The following LPCAT1 variants were observed in gnomAD, a reference collection of about 807,000 sequenced individuals.
The protein encoded by LPCAT1 is 1-acylglycerol-3-phosphate O-acyltransferase.
Under a neutral mutation model 60.9 loss-of-function variants are expected in LPCAT1, and 23 were observed. The observed-to-expected ratio is 0.38, with a 90% CI of 0.27 to 0.53. LPCAT1 has a LOEUF of 0.53. Among genes scored for constraint, LPCAT1 ranks in the 20% least tolerant of loss-of-function variants. LPCAT1 has a pLI of 0.82. For missense variants in LPCAT1, 622 were observed against 723.6 expected (o/e 0.86, Z 1.61); for synonymous variants, 340 against 301.1 (o/e 1.13, Z -1.34).
chr5:1,523,913 G>C lies in LPCAT1; in HGVS notation c.-69C>G. 1.0e-6 allele frequency: 1 copy of C among 991,268 alleles called. No homozygotes were observed. Among genetic ancestry groups the C allele is most frequent in the Non-Finnish European group, 1.2e-6 (1 of 831,702 alleles). 61.4% of individuals were successfully genotyped at this position (991,268 alleles called of 1,614,324 possible). ...GCCGAGCGGGGCCGGGGCTAGCTGGGCGCGGGTCTCGGGGCGCGGGCCGAG... is the reference window on the plus strand; with the variant it reads ...GCCGAGCGGGGCCGGGGCTAGCTGGCCGCGGGTCTCGGGGCGCGGGCCGAG... On this transcript the variant is annotated 5_prime_UTR_variant, in exon 1 of 14. Transcript: ENST00000283415. The surrounding 1 kb of genome is among the most constrained non-coding windows in gnomAD (Gnocchi z 7.1).
intron 1 of LPCAT1, among the ~76,000 whole-genome samples, chr5:1,518,660 C>T (rs909786960): frequency 6.6e-6 from 1 of 152,320 alleles, no homozygotes; most frequent in African/African-American, 2.4e-5. Flanking sequence ...ACTTAAAATG[C>T]ACCTGCTGCG....
chr5:1,505,637 A>C (rs1579806742), intron 1 of LPCAT1, among the ~76,000 whole-genome samples: 1 of 152,236 alleles, frequency 6.6e-6, no homozygotes, highest in East Asian at 1.9e-4. Context: ...GCACTGTGAG[A>C]CCACGTGACC....
At chr5:1,513,348 G>C (rs1736411807) in intron 1 of LPCAT1, among the ~76,000 whole-genome samples, 1 of 152,186 alleles carries the variant, frequency 6.6e-6, no homozygotes, top group South Asian at 2.1e-4. Context: ...CTCTAGAGGA[G>C]AGATTCCACA....
Position 1,492,995 on chromosome 5 carries a change from A to ATGGTTTCCTGGGTATG in LPCAT1, c.493+1704_493+1705insCATACCCAGGAAACCA, listed in dbSNP as rs556762408. 7.7e-4 allele frequency among the ~76,000 whole-genome samples: 117 copies of ATGGTTTCCTGGGTATG among 152,322 alleles called. 1 individual carries two copies. The South Asian group carries it at 0.023, about 30-fold the overall frequency. On this transcript the variant is annotated intron_variant, in intron 3 of 13. Coordinates refer to ENST00000283415, the MANE Select transcript of LPCAT1 (RefSeq NM_024830.5). ...AATGTGGTTTCCTGGGTATGCCAGA[A>ATGGTTTCCTGGGTATG]CCACAGGATGCAAAGGGTGCTGAGT...
At chr5:1,520,575 A>T (rs1736638787) in intron 1 of LPCAT1, among the ~76,000 whole-genome samples, 1 of 152,054 alleles carries the variant, frequency 6.6e-6, no homozygotes, top group African/African-American at 2.4e-5. Flanking sequence ...AAATGGGGAA[A>T]ATGGGCCGGG....
intron 1 of LPCAT1, among the ~76,000 whole-genome samples, chr5:1,513,972 G>A (rs1736430492): frequency 1.3e-5 from 2 of 152,190 alleles, no homozygotes; most frequent in East Asian, 1.9e-4. Context: ...CGTGGGGCGG[G>A]ACACCCTGCG....
chr5:1,499,616 G>A (rs761685051), intron 2 of LPCAT1, among the ~76,000 whole-genome samples: 14 of 152,218 alleles, frequency 9.2e-5, no homozygotes, highest in Non-Finnish European at 2.1e-4. Context: ...TAAAGCCCGT[G>A]ATGATCCTGT....
intron 1 of LPCAT1, among the ~76,000 whole-genome samples, chr5:1,509,831 T>C (rs1215742447): frequency 2.6e-5 from 4 of 152,190 alleles, no homozygotes; most frequent in Non-Finnish European, 5.9e-5. Context: ...CCGTGAACCA[T>C]TGCCGTGGGC....
At position 1,501,442 on chromosome 5, in the gene LPCAT1, C is replaced by G. The variant is rs768755815; in HGVS notation, c.278+19G>C. 6.3e-7 allele frequency: 1 copy of G among 1,597,156 alleles called. No individual in the cohort carries two copies. Among genetic ancestry groups the G allele is most frequent in the Admixed American group, 1.7e-5 (1 of 57,314 alleles). ...GTGACCCCCCCCCAGGAGGAGAGCA[C>G]GGCACACGCGCAACTTACTTCCTCC... On this transcript the variant is annotated intron_variant, in intron 2 of 13. Transcript: ENST00000283415.
At position 1,474,053 on chromosome 5, in the gene LPCAT1, C is replaced by T; in HGVS notation, c.1083G>A (p.Met361Ile). Residue 361 changes from methionine to isoleucine, a missense_variant, in exon 11 of 14, where the codon ATG (methionine) becomes ATA (isoleucine). Met to Ile is a conservative substitution (Grantham distance 10, BLOSUM62 1). Around this residue, in one of 3 missense-constraint regions of LPCAT1, gnomAD observed 288 missense variants for 283.6 expected, o/e 1.02. Coordinates refer to ENST00000283415, the MANE Select transcript of LPCAT1 (RefSeq NM_024830.5). The part of the protein sequence containing the change: ...DLDRYSERAR[M>I]KGGEKIGIAE... Reference sequence around the variant, plus strand: ...CAATACCTATCTTCTCTCCTCCCTTCATCCTGGCTCTTTCTGAGTATCTGT... The same window carrying T: ...CAATACCTATCTTCTCTCCTCCCTTTATCCTGGCTCTTTCTGAGTATCTGT... 6.2e-7 allele frequency: 1 copy of T among 1,614,248 alleles called. No homozygotes were observed. The highest frequency in any genetic ancestry group is 8.5e-7 in the Non-Finnish European group (1 of 1,180,044).
chr5:1,485,241 C>A (rs1388090916), intron 5 of LPCAT1, among the ~76,000 whole-genome samples: 11 of 152,186 alleles, frequency 7.2e-5, no homozygotes, highest in Non-Finnish European at 1.5e-5. Flanking sequence ...ACAGAAACCC[C>A]CCATGAGCCT....
intron 2 of LPCAT1, among the ~76,000 whole-genome samples, chr5:1,498,042 G>A (rs1735858412): frequency 6.6e-6 from 1 of 152,200 alleles, no homozygotes; most frequent in South Asian, 2.1e-4. Flanking sequence ...TTCTTTCACT[G>A]AAAGCCTAAG....
rs1734959150 is a variant in LPCAT1, at chr5:1,477,338, AT to A, written c.899+65del. 7 of 1,316,094 alleles carry A rather than the reference AT, an allele frequency of 5.3e-6. No individual in the cohort carries two copies. Among genetic ancestry groups the A allele is most frequent in the Non-Finnish European group, 7.6e-6 (7 of 923,880 alleles). 81.5% of individuals were successfully genotyped at this position (1,316,094 alleles called of 1,614,324 possible). A position where few individuals can be genotyped will look rare whatever the true frequency, so the allele number is the denominator to read the frequency against. On this transcript the variant is annotated intron_variant, in intron 9 of 13. Transcript: ENST00000283415. The surrounding 1 kb of genome is among the most constrained non-coding windows in gnomAD (Gnocchi z 6.0). ...CCTAACGCTGTTGCCTATTTTAAAT[AT>A]ACAGAGAGCAGCACTCTGGGAGACA...
At position 1,523,689 on chromosome 5, in the gene LPCAT1, C is replaced by T; in HGVS notation, c.135+21G>A. 1 of 1,089,240 alleles carries T rather than the reference C, an allele frequency of 9.2e-7. No individual in the cohort carries two copies. Among genetic ancestry groups the T allele is most frequent in the East Asian group, 5.9e-5 (1 of 16,938 alleles). 67.5% of individuals were successfully genotyped at this position (1,089,240 alleles called of 1,614,324 possible). On this transcript the variant is annotated intron_variant, in intron 1 of 13. Coordinates refer to ENST00000283415, the MANE Select transcript of LPCAT1 (RefSeq NM_024830.5). The surrounding 1 kb of genome is among the most constrained non-coding windows in gnomAD (Gnocchi z 7.1). ...CTGGCGTCCGCGCCGGCTCCCGGGG[C>T]CGCGCGCCCTGGGCACCCACCTGGG...
intron 3 of LPCAT1, among the ~76,000 whole-genome samples, chr5:1,491,845 T>C (rs1036082850): frequency 6.6e-6 from 1 of 152,018 alleles, no homozygotes; most frequent in Non-Finnish European, 1.5e-5. Context: ...ATCACTTTCA[T>C]TGGTATTCAT....
At chr5:1,504,709 C>T (rs1251656996) in intron 1 of LPCAT1, among the ~76,000 whole-genome samples, 5 of 125,334 alleles carry the variant, frequency 4.0e-5, no homozygotes, top group East Asian at 2.2e-4. Flanking sequence ...AGCGAATCTC[C>T]GTCCCAAAAA....
At chr5:1,507,695 C>T (rs910652780) in intron 1 of LPCAT1, among the ~76,000 whole-genome samples, 3 of 152,188 alleles carry the variant, frequency 2.0e-5, no homozygotes. Flanking sequence ...GGCAGAGGCT[C>T]ATGTCCTGAG....
chr5:1,518,864 G>A (rs1169248382), intron 1 of LPCAT1, among the ~76,000 whole-genome samples: 1 of 152,246 alleles, frequency 6.6e-6, no homozygotes, highest in Non-Finnish European at 1.5e-5. Context: ...CACGACCACA[G>A]GCAGTGAAGG....
rs148890722 is a variant in LPCAT1, at chr5:1,512,523, C to CG, written c.136-10921dup. ...AAGACACAGCTTGCTGAAGTGCCCA[C>CG]GGGGGGCCACATCTCAGACTTTCAA... On this transcript the variant is annotated intron_variant, in intron 1 of 13. Transcript: ENST00000283415. 6.1e-3 allele frequency among the ~76,000 whole-genome samples: 932 copies of CG among 152,342 alleles called. 12 individuals carry two copies. The highest frequency in any genetic ancestry group is 8.0e-3 in the Non-Finnish European group (542 of 68,028).
Sources: allele counts gnomAD v4.1 joint callset (sites outside exome capture counted in the v4.1 genomes callset), GRCh38; gene constraint gnomAD v4.1.1; regional missense constraint gnomAD v4.1.1; non-coding constraint Gnocchi (gnomAD v3.1); transcripts MANE v1.5; gene names NCBI Gene and HGNC (gene_info 2026-07-23, HGNC 2026-07-21).